MYO7A: variants seen among roughly 807,000 people sequenced by gnomAD.
MYO7A encodes unconventional myosin-VIIa.
In MYO7A, 210 loss-of-function variants were observed where a neutral mutation model predicts 263.8. That is an observed-to-expected ratio of 0.80 (90% CI 0.71 to 0.89). The LOEUF is 0.89. MYO7A is among the 40% of genes least tolerant of loss of function. The pLI, the probability that MYO7A is intolerant of heterozygous loss-of-function variation, is 0.00. For synonymous variants in MYO7A, 1,239 were observed against 1,197.3 expected (o/e 1.03, Z -0.72); for missense variants, 2,820 against 2,968.3 (o/e 0.95, Z 1.16).
At position 77,158,319 on chromosome 11, in the gene MYO7A, T is replaced by A. The variant is rs782624218; in HGVS notation, c.892T>A (p.Tyr298Asn). Reference sequence around the variant, plus strand: ...TGAGGGCCGGGTGGACAGCCAGGAGTACGCCAACATCCGCTCCGCCATGAA... The same window carrying A: ...TGAGGGCCGGGTGGACAGCCAGGAGAACGCCAACATCCGCTCCGCCATGAA... ...TCEGRVDSQE[Y>N]ANIRSAMKVL... is the part of the protein sequence containing the mutation. Residue 298 changes from tyrosine (Y) to asparagine (N), a missense_variant, in exon 9 of 49, where the codon TAC becomes AAC. Transcript: ENST00000409709. 6.2e-7 allele frequency: 1 copy of A among 1,611,522 alleles called. No individual in the cohort carries two copies. Among genetic ancestry groups the A allele is most frequent in the East Asian group, 2.2e-5 (1 of 44,756 alleles).
At chr11:77,196,104 C>G (rs1417808889) in intron 32 of MYO7A, among the ~76,000 whole-genome samples, 1 of 152,238 alleles carries the variant, frequency 6.6e-6, no homozygotes, top group Admixed American at 6.5e-5. Flanking sequence ...CGCGGTGGCT[C>G]ACGCCTGTAA....
At chr11:77,159,406 CACCCT>C in intron 9 of MYO7A, 36 bp from the exon 10 acceptor site, 6 of 754,048 alleles carry the variant, frequency 8.0e-6, no homozygotes, top group African/African-American at 1.7e-5. Flanking sequence ...CCCTGTTGCC[CACCCT>C]CCCTCCCCTG....
intron 19 of MYO7A, 82 bp downstream of exon 19, chr11:77,177,725 G>C: frequency 8.6e-7 from 1 of 1,161,156 alleles, no homozygotes; most frequent in Middle Eastern, 1.9e-4. Flanking sequence ...TGCTCTGCCC[G>C]CATGAACACT....
intron 40 of MYO7A, among the ~76,000 whole-genome samples, chr11:77,205,835 GC>G (rs1957412719): frequency 6.6e-6 from 1 of 152,144 alleles, no homozygotes; most frequent in South Asian, 2.1e-4. Context: ...GAGCTCCCAG[GC>G]TATCGGGTGG....
intron 27 of MYO7A, among the ~76,000 whole-genome samples, chr11:77,188,179 A>G (rs1342951822): frequency 2.0e-5 from 3 of 152,138 alleles, no homozygotes; most frequent in Non-Finnish European, 4.4e-5. Flanking sequence ...CTGTCTCCCC[A>G]TCTGTAAAGT....
At chr11:77,198,936 A>G (rs1309512266) in intron 34 of MYO7A, among the ~76,000 whole-genome samples, 1 of 152,244 alleles carries the variant, frequency 6.6e-6, no homozygotes, top group Admixed American at 6.5e-5. Context: ...CTTCATTCCT[A>G]AAACAGGAGT....
In MYO7A at chr11:77,206,127, G is replaced by A. The variant is rs747516555; in HGVS notation, c.5667G>A (p.Leu1889=). 117 of 1,613,208 alleles carry A rather than the reference G, an allele frequency of 7.3e-5. No homozygotes were observed. The East Asian group carries it at 2.6e-3, about 35-fold the overall frequency. ...GGTCCCGGAAGTACCCTCCGCACCT[G>A]GTGGAGGTGGAGGCCATCCAGCACA... The part of the protein sequence containing the change: ...RNGSRKYPPH[L]VEVEAIQHKT... The change falls in exon 41 of 49, where the codon CTG becomes CTA. Residue 1889 remains leucine (L), a synonymous_variant. Transcript: ENST00000409709.
At position 77,147,948 on chromosome 11, in the gene MYO7A, T is replaced by C. The variant is rs2135708798; in HGVS notation, c.283T>C (p.Tyr95His). The change falls in exon 4 of 49, where the codon TAC becomes CAC. Residue 95 changes from tyrosine to histidine, a missense_variant and splice_region_variant. Physicochemically the swap from Tyr to His is moderately conservative, Grantham distance 83. Coordinates refer to ENST00000409709, the MANE Select transcript of MYO7A (RefSeq NM_000260.4). The part of the protein sequence containing the change: ...LLIRYRDHLI[Y>H]TYTGSILVAV... ...TATCCGCTACCGGGACCACCTCATCTACGTGAGTGCCGCCCCGCCCGGTGC... is the reference window on the plus strand; with the variant it reads ...TATCCGCTACCGGGACCACCTCATCCACGTGAGTGCCGCCCCGCCCGGTGC... 1 of 1,546,392 alleles carries C rather than the reference T, an allele frequency of 6.5e-7. No individual in the cohort carries two copies. The highest frequency in any genetic ancestry group is 1.4e-5 in the African/African-American group (1 of 73,034).
intron 2 of MYO7A, among the ~76,000 whole-genome samples, chr11:77,132,984 T>C (rs1299665266): frequency 1.3e-5 from 2 of 152,206 alleles, no homozygotes; most frequent in African/African-American, 4.8e-5. Context: ...GCATACTTCC[T>C]GCTTGAAGGC....
intron 32 of MYO7A, among the ~76,000 whole-genome samples, chr11:77,194,894 G>A (rs188855896): frequency 3.9e-5 from 6 of 152,176 alleles, no homozygotes; most frequent in East Asian, 1.9e-4. Context: ...CCAACTTCCC[G>A]CCTGGGGAGC....
chr11:77,205,921 C>T (rs1404245195), intron 40 of MYO7A, among the ~76,000 whole-genome samples, 176 bp from the exon 41 acceptor site: 1 of 152,140 alleles, frequency 6.6e-6, no homozygotes, highest in Admixed American at 6.5e-5. Context: ...TCTCCACACC[C>T]ATCGTCCCAT....
chr11:77,207,086 GGA>G (rs1185886050), intron 41 of MYO7A: 10 of 486,604 alleles, frequency 2.1e-5, no homozygotes, highest in Non-Finnish European at 3.7e-5. Flanking sequence ...CCTTCTGCTT[GGA>G]GAGTCGGGAG....
chr11:77,159,986 G>T (rs889858033), intron 10 of MYO7A, among the ~76,000 whole-genome samples, 177 bp from the exon 11 acceptor site: 1 of 152,222 alleles, frequency 6.6e-6, no homozygotes, highest in Admixed American at 6.5e-5. Flanking sequence ...TTCCTTCCAG[G>T]CAGCACTGGG....
Position 77,205,686 on chromosome 11 carries a change from G to C in MYO7A, c.5636+69G>C, listed in dbSNP as rs992766277. 8.2e-6 allele frequency: 13 copies of C among 1,589,854 alleles called. No individual in the cohort carries two copies. The Admixed American group carries it at 2.2e-4, about 27-fold the overall frequency. ...CCTGGCCACGCGGGGCTTGTGGGATGAGCCCCTTGGGGATGAGGACCACAT... is the reference window on the plus strand; with the variant it reads ...CCTGGCCACGCGGGGCTTGTGGGATCAGCCCCTTGGGGATGAGGACCACAT... On this transcript the variant is annotated intron_variant, in intron 40 of 48. Transcript: ENST00000409709.
chr11:77,162,070 G>A, intron 12 of MYO7A, 50 bp from the exon 13 acceptor site: 1 of 1,523,472 alleles, frequency 6.6e-7, no homozygotes, highest in Non-Finnish European at 8.9e-7. Context: ...GCCCTGAACA[G>A]CATGGTGGGG....
At chr11:77,160,951 G>A (rs371456778) in intron 11 of MYO7A, 22 bp from the exon 12 acceptor site, 5 of 1,580,694 alleles carry the variant, frequency 3.2e-6, no homozygotes, top group East Asian at 4.7e-5. Context: ...GCTGGTGCCA[G>A]TGGCTGATCA....
At chr11:77,157,453 C>G in intron 8 of MYO7A, 61 bp downstream of exon 8, 1 of 1,153,782 alleles carries the variant, frequency 8.7e-7, no homozygotes, top group Non-Finnish European at 1.3e-6. Flanking sequence ...AGGGAGCTGG[C>G]TACTGCAGAC....
At chr11:77,184,288 G>A (rs1344836037) in intron 26 of MYO7A, among the ~76,000 whole-genome samples, 5 of 152,120 alleles carry the variant, frequency 3.3e-5, no homozygotes, top group Non-Finnish European at 7.4e-5. Flanking sequence ...TCCCTGTCCT[G>A]GCTGAGAGGA....
intron 3 of MYO7A, among the ~76,000 whole-genome samples, chr11:77,143,905 A>G (rs782708164): frequency 3.9e-5 from 6 of 152,126 alleles, no homozygotes; most frequent in Non-Finnish European, 7.4e-5. Context: ...CATCCCAGAT[A>G]TTCCTGCAGC....
Sources: gnomAD v4.1 joint callset for allele counts (sites outside exome capture counted in the v4.1 genomes callset) on GRCh38, gnomAD v4.1.1 for gene constraint, MANE v1.5 for transcripts, NCBI Gene and HGNC (gene_info 2026-07-23, HGNC 2026-07-21) for gene names.